Variants in TTC4 observed in about 807,000 individuals in gnomAD.
The protein encoded by TTC4 is hsp70/Hsp90 co-chaperone CNS1 homolog.
Under a neutral mutation model 51.9 loss-of-function variants are expected in TTC4, and 36 were observed. That is an observed-to-expected ratio of 0.69 (90% confidence interval 0.53 to 0.92). The LOEUF (loss-of-function observed/expected upper bound fraction) is 0.92. Ranked by LOEUF, TTC4 falls within the 40% of genes least tolerant of loss-of-function variation. The pLI, the probability that TTC4 is intolerant of heterozygous loss-of-function variation, is 0.00. For missense variants in TTC4, 399 were observed against 454.6 expected (o/e 0.88, Z 1.11); for synonymous variants, 144 against 164.2 (o/e 0.88, Z 0.94).
chr1:54,742,227 T>C lies in TTC4; in HGVS notation c.*714T>C, dbSNP rs1356747029. 6.6e-6 allele frequency: 1 copy of C among 152,314 alleles called. No individual in the cohort carries two copies. Among genetic ancestry groups the C allele is most frequent in the Non-Finnish European group, 1.5e-5 (1 of 68,102 alleles). The allele number at this position is 152,314 out of a possible 1,614,324, so 9.4% of individuals were successfully genotyped here. A position where few individuals can be genotyped will look rare whatever the true frequency, so the allele number is the denominator to read the frequency against. ...GTGTCTTTTAAACTGGAAAATCTTC[T>C]AGCATGTTGGGTTGTTACAGAGTAT... is the stretch of plus-strand genomic sequence containing the variant. On this transcript the variant is annotated 3_prime_UTR_variant, in exon 10 of 10. Transcript: ENST00000371281.
At chr1:54,717,858 C>A (rs747749423) in intron 3 of TTC4, 2 of 427,282 alleles carry the variant, frequency 4.7e-6, no homozygotes, top group African/African-American at 2.0e-5. Context: ...ACTGTCTCAA[C>A]CCAAAAAGTG....
At position 54,715,872 on chromosome 1, in the gene TTC4, G is replaced by C. The variant is rs771858609; in HGVS notation, c.-37G>C. 9.8e-6 allele frequency: 15 copies of C among 1,536,396 alleles called. No homozygotes were observed. The East Asian group carries it at 3.1e-4, about 31-fold the overall frequency. ...CGCCGGAAGGAGCCGCTCGCTTCAC[G>C]GCGCTGGGACCCGGGCTGGAAGGCA... On this transcript the variant is annotated 5_prime_UTR_variant, in exon 1 of 10. Coordinates refer to ENST00000371281, the MANE Select transcript of TTC4 (RefSeq NM_004623.5).
At chr1:54,726,623 A>G (rs1175397904) in intron 5 of TTC4, among the ~76,000 whole-genome samples, 2 of 152,242 alleles carry the variant, frequency 1.3e-5, no homozygotes, top group African/African-American at 4.8e-5. Context: ...ACATTTAACA[A>G]AAGTAGCTAA....
In TTC4 at chr1:54,728,345, G is replaced by A. The variant is rs1345483536; in HGVS notation, c.595-1G>A. Reference sequence around the variant, plus strand: ...CTGATGCATCTAAATTTCATTTTTAGCGAATTGAACAGAGGGATGTGAGGA... The same window carrying A: ...CTGATGCATCTAAATTTCATTTTTAACGAATTGAACAGAGGGATGTGAGGA... On this transcript the variant is annotated splice_acceptor_variant, in intron 5 of 9. Transcript: ENST00000371281. LOFTEE classifies it high-confidence loss of function. 1.2e-6 allele frequency: 2 copies of A among 1,611,604 alleles called. No individual in the cohort carries two copies. Among genetic ancestry groups the A allele is most frequent in the East Asian group, 4.5e-5 (2 of 44,768 alleles).
At chr1:54,730,834 G>T (rs546189711) in intron 6 of TTC4, among the ~76,000 whole-genome samples, 9 of 148,150 alleles carry the variant, frequency 6.1e-5, no homozygotes, top group African/African-American at 2.0e-4. Context: ...TGCACTTGCT[G>T]CTCGTTGGAG....
intron 5 of TTC4, among the ~76,000 whole-genome samples, chr1:54,728,133 T>C (rs2101330520): frequency 6.6e-6 from 1 of 152,334 alleles, no homozygotes; most frequent in Admixed American, 6.5e-5. Context: ...CTTGGGTACA[T>C]ACAGGAAGTA....
At position 54,719,066 on chromosome 1, in the gene TTC4, A is replaced by G. The variant is rs1570031578; in HGVS notation, c.391+1413A>G. Among the ~76,000 whole-genome samples the G allele has an allele frequency of 2.0e-5, 3 of 152,172 alleles. No homozygotes were observed. In the Middle Eastern group the frequency reaches 0.01, roughly 518 times the overall value. On this transcript the variant is annotated intron_variant, in intron 3 of 9. Transcript: ENST00000371281. Reference sequence around the variant, plus strand: ...GAGGACCAAGGGCTCAATCTTTAATATTTCCTTTACTGAATCACCTTTGTG... The same window carrying G: ...GAGGACCAAGGGCTCAATCTTTAATGTTTCCTTTACTGAATCACCTTTGTG...
At chr1:54,722,584 C>A in intron 4 of TTC4, 91 bp from the exon 5 acceptor site, 1 of 1,567,130 alleles carries the variant, frequency 6.4e-7, no homozygotes, top group South Asian at 1.2e-5. Flanking sequence ...AGGGTACTGG[C>A]TGGTAGTTGG....
chr1:54,726,616 T>C (rs2101324641), intron 5 of TTC4, among the ~76,000 whole-genome samples: 1 of 152,280 alleles, frequency 6.6e-6, no homozygotes, highest in East Asian at 1.9e-4. Context: ...TATGAGTACA[T>C]TTAACAAAAG....
chr1:54,724,191 C>A (rs1410534220), intron 5 of TTC4, among the ~76,000 whole-genome samples: 3 of 152,096 alleles, frequency 2.0e-5, no homozygotes, highest in African/African-American at 7.2e-5. Context: ...AGCCAACAGA[C>A]TTGTGGCTAT....
intron 3 of TTC4, among the ~76,000 whole-genome samples, chr1:54,718,081 G>A (rs1645697462): frequency 6.6e-6 from 1 of 152,142 alleles, no homozygotes; most frequent in African/African-American, 2.4e-5. Flanking sequence ...TGGGACCTTT[G>A]AGTTAAAAAT....
At chr1:54,729,879 C>T (rs960417986) in intron 6 of TTC4, among the ~76,000 whole-genome samples, 1 of 152,080 alleles carries the variant, frequency 6.6e-6, no homozygotes, top group Admixed American at 6.5e-5. Flanking sequence ...CACCACCATG[C>T]CCAGCTAATT....
chr1:54,740,779 T>C lies in TTC4; in HGVS notation c.1062-632T>C, dbSNP rs1646001630. On this transcript the variant is annotated intron_variant, in intron 9 of 9. Transcript: ENST00000371281. ...CAAAGCCCTCCCTGCCTCTCTAGCC[T>C]GCCTGACTCCTTTTGCTTTGTGCCC... Among the ~76,000 whole-genome samples, 4 of 152,142 alleles carry C rather than the reference T, an allele frequency of 2.6e-5. No individual in the cohort carries two copies. In the South Asian group the frequency reaches 8.3e-4, roughly 31 times the overall value.
intron 9 of TTC4, 64 bp from the exon 10 acceptor site, chr1:54,741,347 A>G: frequency 8.3e-6 from 11 of 1,325,388 alleles, no homozygotes; most frequent in South Asian, 1.2e-5. Context: ...GTTGTTAGGA[A>G]GGTGCATGGA....
At chr1:54,733,589 T>G in intron 7 of TTC4, 40 bp from the exon 8 acceptor site, 18 of 1,487,310 alleles carry the variant, frequency 1.2e-5, no homozygotes, top group South Asian at 2.5e-5. Context: ...AAATAGATCA[T>G]GAGTTATTGA....
chr1:54,717,401 C>CATATATATAT, intron 2 of TTC4, 91 bp from the exon 3 acceptor site: 2 of 1,214,326 alleles, frequency 1.6e-6, no homozygotes, highest in Non-Finnish European at 2.2e-6. Context: ...TTTGGTGTGT[C>CATATATATAT]ATATAGTACA....
intron 3 of TTC4, 119 bp from the exon 4 acceptor site, chr1:54,721,044 A>T: frequency 1.1e-6 from 1 of 908,590 alleles, no homozygotes; most frequent in Non-Finnish European, 1.7e-6. Context: ...TCAAAAAAAC[A>T]GTTGCTCTCA....
intron 9 of TTC4, among the ~76,000 whole-genome samples, chr1:54,740,168 C>A (rs10888875): frequency 0.12 from 18,063 of 152,126 alleles, 1,792 homozygotes; most frequent in African/African-American, 0.26. Context: ...GTGAGACCCC[C>A]TCCTCCCACT....
intron 6 of TTC4, among the ~76,000 whole-genome samples, chr1:54,730,696 T>A (rs1645854671): frequency 6.6e-6 from 1 of 152,198 alleles, no homozygotes; most frequent in African/African-American, 2.4e-5. Context: ...TTCAGACCCT[T>A]AATTTATGCC....
Sources: allele counts gnomAD v4.1 joint callset (sites outside exome capture counted in the v4.1 genomes callset), GRCh38; gene constraint gnomAD v4.1.1; transcripts MANE v1.5; gene names NCBI Gene and HGNC (gene_info 2026-07-23, HGNC 2026-07-21).